The following CABCOCO1 variants were observed in gnomAD, a reference collection of about 807,000 sequenced individuals.
CABCOCO1 encodes the protein ciliary associated calcium binding coiled-coil 1, also known as ciliary-associated calcium-binding coiled-coil protein 1.
Under a neutral mutation model 35.7 loss-of-function variants are expected in CABCOCO1, and 28 were observed. The observed-to-expected ratio is 0.78, with a 90% CI of 0.58 to 1.07. The LOEUF is 1.07. CABCOCO1 is among the 50% of genes least tolerant of loss of function. The pLI is 0.00. For missense variants in CABCOCO1, 326 were observed against 309.2 expected (o/e 1.05, Z -0.41); for synonymous variants, 95 against 100.1 (o/e 0.95, Z 0.30).
chr10:61,680,527 A>ATATATT (rs1479051965), intron 2 of CABCOCO1, among the ~76,000 whole-genome samples: 1 of 135,514 alleles, frequency 7.4e-6, no homozygotes, highest in African/African-American at 2.8e-5. Flanking sequence ...AACATATTAT[A>ATATATT]TGTTATATTA....
At chr10:61,672,816 A>C (rs1234706991) in intron 2 of CABCOCO1, 81 bp downstream of exon 2, 1 of 857,386 alleles carries the variant, frequency 1.2e-6, no homozygotes, top group African/African-American at 1.8e-5. Context: ...TACATGTATA[A>C]GCTTTTTTCA....
intron 1 of CABCOCO1, among the ~76,000 whole-genome samples, chr10:61,663,962 C>T (rs575557152): frequency 1.3e-5 from 2 of 152,094 alleles, no homozygotes; most frequent in South Asian, 4.2e-4. Context: ...CTTCCTTATT[C>T]GTTGGTCTAA....
intron 5 of CABCOCO1, among the ~76,000 whole-genome samples, 153 bp from the exon 6 acceptor site, chr10:61,759,906 A>G (rs779954610): frequency 2.4e-4 from 36 of 152,096 alleles, no homozygotes; most frequent in Non-Finnish European, 4.7e-4. Flanking sequence ...AAAGCACTAG[A>G]GGACAAAAAG....
chr10:61,678,007 A>C (rs1027503381), intron 2 of CABCOCO1, among the ~76,000 whole-genome samples: 14 of 151,534 alleles, frequency 9.2e-5, no homozygotes. Flanking sequence ...ATATTTTTTT[A>C]ATTAAAGTTT....
At chr10:61,710,253 AGTGTGTGTGTGTGTGTGTGT>A (rs55784501) in intron 5 of CABCOCO1, among the ~76,000 whole-genome samples, 35 of 146,670 alleles carry the variant, frequency 2.4e-4, no homozygotes, top group African/African-American at 8.6e-4. Context: ...TGTGTGTGTG[AGTGTGTGTGTGTGTGTGTGT>A]GTGTGTGTGT....
Position 61,724,845 on chromosome 10 carries a change from G to C in CABCOCO1, c.552+34224G>C, listed in dbSNP as rs1170743847. Among the ~76,000 whole-genome samples, 3 of 152,102 alleles carry C rather than the reference G, an allele frequency of 2.0e-5. No homozygotes were observed. The East Asian group carries it at 5.8e-4, about 29-fold the overall frequency. ...CAGTAGGGGGGAGGGATAGCATTAGGAGATATACCTAATGTAAATGACGAG... is the reference window on the plus strand; with the variant it reads ...CAGTAGGGGGGAGGGATAGCATTAGCAGATATACCTAATGTAAATGACGAG... On this transcript the variant is annotated intron_variant, in intron 5 of 7. Transcript: ENST00000648843.
chr10:61,680,345 TAACATATATA>T (rs1280635767), intron 2 of CABCOCO1, among the ~76,000 whole-genome samples: 2 of 139,682 alleles, frequency 1.4e-5, no homozygotes, highest in African/African-American at 5.3e-5. Context: ...TATATACATA[TAACATATATA>T]ATATATATAT....
chr10:61,706,561 T>C (rs1840597245), intron 5 of CABCOCO1, among the ~76,000 whole-genome samples: 1 of 152,162 alleles, frequency 6.6e-6, no homozygotes, highest in Non-Finnish European at 1.5e-5. Flanking sequence ...CCAAATGCGT[T>C]TTAAATAACA....
At position 61,679,094 on chromosome 10, in the gene CABCOCO1, A is replaced by C. The variant is rs183262364; in HGVS notation, c.165-2049A>C. On this transcript the variant is annotated intron_variant, in intron 2 of 7. Coordinates refer to ENST00000648843, the MANE Select transcript of CABCOCO1 (RefSeq NM_001366906.2). Reference sequence around the variant, plus strand: ...AGCAGTAAAAAGTTGTCACACACATATTACCCCTCTCAAAATCACATAAAA... The same window carrying C: ...AGCAGTAAAAAGTTGTCACACACATCTTACCCCTCTCAAAATCACATAAAA... Among the ~76,000 whole-genome samples, 172 of 152,268 alleles carry C rather than the reference A, an allele frequency of 1.1e-3. 1 individual carries two copies. Among genetic ancestry groups the C allele is most frequent in the African/African-American group, 3.9e-3 (163 of 41,574 alleles).
intron 5 of CABCOCO1, among the ~76,000 whole-genome samples, chr10:61,749,298 C>A (rs576862486): frequency 6.6e-6 from 1 of 152,238 alleles, no homozygotes; most frequent in Admixed American, 6.5e-5. Flanking sequence ...TTTTAACTGT[C>A]TAGGTTATTG....
chr10:61,718,964 A>G (rs1840933442), intron 5 of CABCOCO1, among the ~76,000 whole-genome samples: 1 of 152,208 alleles, frequency 6.6e-6, no homozygotes, highest in Admixed American at 6.5e-5. Flanking sequence ...GTCAAATGAA[A>G]AGCTTTCATC....
At chr10:61,683,312 C>A (rs1250698545) in intron 3 of CABCOCO1, among the ~76,000 whole-genome samples, 4 of 152,046 alleles carry the variant, frequency 2.6e-5, no homozygotes, top group Non-Finnish European at 4.4e-5. Flanking sequence ...GTAATCCCAG[C>A]ACTTTAGGAG....
chr10:61,682,963 T>A (rs1175581538), intron 3 of CABCOCO1, among the ~76,000 whole-genome samples: 1 of 149,364 alleles, frequency 6.7e-6, no homozygotes, highest in Non-Finnish European at 1.5e-5. Flanking sequence ...TGATCTTTGC[T>A]CACTGCAACC....
At chr10:61,690,663 T>G in intron 5 of CABCOCO1, 42 bp downstream of exon 5, 1 of 1,282,578 alleles carries the variant, frequency 7.8e-7, no homozygotes, top group Non-Finnish European at 1.1e-6. Context: ...GCAGAATCAC[T>G]TAATGCATGC....
intron 5 of CABCOCO1, among the ~76,000 whole-genome samples, chr10:61,698,004 C>G (rs536632776): frequency 1.3e-5 from 2 of 152,098 alleles, no homozygotes; most frequent in Non-Finnish European, 2.9e-5. Flanking sequence ...AATAAAATTT[C>G]TATCATGAAT....
intron 2 of CABCOCO1, among the ~76,000 whole-genome samples, chr10:61,680,608 C>CATATAT (rs199950014): frequency 1.2e-5 from 1 of 80,222 alleles, no homozygotes; most frequent in East Asian, 5.3e-4. Flanking sequence ...ACATGTATAA[C>CATATAT]ATGTTATACA....
intron 4 of CABCOCO1, among the ~76,000 whole-genome samples, chr10:61,687,171 T>C (rs1467394820): frequency 3.3e-5 from 5 of 152,228 alleles, no homozygotes; most frequent in African/African-American, 1.2e-4. Context: ...TGTCATATGA[T>C]ATACTATGGT....
intron 1 of CABCOCO1, among the ~76,000 whole-genome samples, chr10:61,669,733 G>A (rs1839301537): frequency 6.6e-6 from 1 of 152,036 alleles, no homozygotes; most frequent in East Asian, 1.9e-4. Context: ...AATTAGTACT[G>A]TCCAAAAGGT....
intron 5 of CABCOCO1, among the ~76,000 whole-genome samples, chr10:61,729,978 G>A (rs1041703668): frequency 3.3e-5 from 5 of 152,028 alleles, no homozygotes; most frequent in African/African-American, 1.2e-4. Flanking sequence ...CAAGTAAAAT[G>A]AATAAGCTCT....
Sources: gnomAD v4.1 joint callset for allele counts (sites outside exome capture counted in the v4.1 genomes callset) on GRCh38, gnomAD v4.1.1 for gene constraint, MANE v1.5 for transcripts, NCBI Gene and HGNC (gene_info 2026-07-23, HGNC 2026-07-21) for gene names.